The following PEAK1 variants were observed in gnomAD, a reference collection of about 807,000 sequenced individuals.
PEAK1 encodes inactive tyrosine-protein kinase PEAK1.
PEAK1 carries 54 observed loss-of-function variants against 124.7 expected under a neutral mutation model. The ratio of observed to expected loss-of-function variants is 0.43; its 90% CI spans 0.35 to 0.54. The LOEUF is 0.54. Among genes scored for constraint, PEAK1 ranks in the 20% least tolerant of loss-of-function variants. The pLI, the probability that PEAK1 is intolerant of heterozygous loss-of-function variation, is 0.01. For synonymous variants in PEAK1, 719 were observed against 760.0 expected (o/e 0.95, Z 0.89); for missense variants, 2,046 against 2,134.5 (o/e 0.96, Z 0.82).
intron 6 of PEAK1, among the ~76,000 whole-genome samples, chr15:77,245,903 C>T (rs545181594): frequency 2.8e-4 from 42 of 152,178 alleles, no homozygotes; most frequent in African/African-American, 9.6e-4. Context: ...TAGTGTGAGT[C>T]GTCCCACTTT....
intron 2 of PEAK1, among the ~76,000 whole-genome samples, chr15:77,336,774 A>T (rs2066227987): frequency 6.6e-6 from 1 of 152,190 alleles, no homozygotes; most frequent in South Asian, 2.1e-4. Flanking sequence ...AAATAAGACA[A>T]ATACACAGTA....
In PEAK1 at chr15:77,180,443, CTGT is replaced by C; in HGVS notation, c.1481_1483del (p.Asn494del). 3.1e-6 allele frequency: 5 copies of C among 1,614,086 alleles called. No individual in the cohort carries two copies. The highest frequency in any genetic ancestry group is 3.4e-6 in the Non-Finnish European group (4 of 1,180,020). On this transcript the variant is annotated inframe_deletion, in exon 7 of 10. Transcript: ENST00000682557. The stretch of plus-strand genomic sequence containing the variant: ...AGAGGATGAGCTTTTTGTCTTGGGG[CTGT>C]TAACAGGGCCCTCGAGGTGCTCACT...
chr15:77,315,335 T>C lies in PEAK1; in HGVS notation c.-602-28831A>G, dbSNP rs562127857. 2.6e-5 allele frequency among the ~76,000 whole-genome samples: 4 copies of C among 152,298 alleles called. No individual in the cohort carries two copies. The South Asian group carries it at 6.2e-4, about 24-fold the overall frequency. On this transcript the variant is annotated intron_variant, in intron 2 of 9. Coordinates refer to ENST00000682557, the MANE Select transcript of PEAK1 (RefSeq NM_001385026.1). ...ACTATGATCATCTTGATGTCTACGA[T>C]AGATAATAAACAAGGTCATACATAC...
chr15:77,147,856 T>C (rs1023346794), intron 8 of PEAK1, among the ~76,000 whole-genome samples: 25 of 152,218 alleles, frequency 1.6e-4, no homozygotes, highest in African/African-American at 6.0e-4. Context: ...AGCTGTTCAA[T>C]AGAACTTTGT....
intron 2 of PEAK1, among the ~76,000 whole-genome samples, chr15:77,330,576 TG>T (rs1344116086): frequency 1.3e-5 from 2 of 152,182 alleles, no homozygotes; most frequent in Non-Finnish European, 1.5e-5. Context: ...GGTTTAACTG[TG>T]CTGGTTAAGC....
At position 77,301,737 on chromosome 15, in the gene PEAK1, C is replaced by G. The variant is rs1324724923; in HGVS notation, c.-602-15233G>C. On this transcript the variant is annotated intron_variant, in intron 2 of 9. Coordinates refer to ENST00000682557, the MANE Select transcript of PEAK1 (RefSeq NM_001385026.1). ...GTAATGTTACCCTTTCTGTACTGCA[C>G]TCATTGAAGGAAAGTCACTATGAAC... 2.0e-5 allele frequency among the ~76,000 whole-genome samples: 3 copies of G among 152,110 alleles called. No individual in the cohort carries two copies. The East Asian group carries it at 5.8e-4, about 29-fold the overall frequency.
At chr15:77,135,188 A>G (rs562383847) in intron 8 of PEAK1, among the ~76,000 whole-genome samples, 1 of 152,362 alleles carries the variant, frequency 6.6e-6, no homozygotes, top group African/African-American at 2.4e-5. Context: ...ACTTTTTTAC[A>G]GCAGTCCTAG....
At position 77,348,398 on chromosome 15, in the gene PEAK1, T is replaced by C. The variant is rs140590032; in HGVS notation, c.-603+16765A>G. The C allele has an allele frequency of 1.9e-4, 174 of 906,670 alleles. No homozygotes were observed. The Middle Eastern group carries it at 4.6e-3, about 24-fold the overall frequency. The allele number at this position is 906,670 out of a possible 1,614,324, so 56.2% of individuals were successfully genotyped here. A position where few individuals can be genotyped will look rare whatever the true frequency, so the allele number is the denominator to read the frequency against. ...ATCTTATTATTTGGTAATTACACTA[T>C]AAGCAAGGGAAATGTCTTTAAAAAA... On this transcript the variant is annotated intron_variant, in intron 2 of 9. Coordinates refer to ENST00000682557, the MANE Select transcript of PEAK1 (RefSeq NM_001385026.1).
chr15:77,169,033 T>A (rs2056323676), intron 7 of PEAK1, among the ~76,000 whole-genome samples: 1 of 152,214 alleles, frequency 6.6e-6, no homozygotes, highest in African/African-American at 2.4e-5. Flanking sequence ...TACTTTTATT[T>A]TCTTAATGTC....
chr15:77,361,493 C>T (rs2067883522), intron 2 of PEAK1, among the ~76,000 whole-genome samples: 1 of 152,058 alleles, frequency 6.6e-6, no homozygotes, highest in African/African-American at 2.4e-5. Flanking sequence ...CATTGTTAAT[C>T]AAGGAGATGC....
intron 5 of PEAK1, chr15:77,278,535 G>C: frequency 2.0e-6 from 1 of 490,912 alleles, no homozygotes; most frequent in Non-Finnish European, 4.1e-6. Context: ...CCACAGAGAA[G>C]ATCTGCAAGG....
At chr15:77,102,080 TG>T (rs1231334607) in exon 7 of PEAK1, 1 of 152,212 alleles carries the variant, frequency 6.6e-6, no homozygotes, top group Non-Finnish European at 1.5e-5. Flanking sequence ...GGTGACCTAG[TG>T]GGTCAATTTT....
intron 6 of PEAK1, among the ~76,000 whole-genome samples, chr15:77,196,336 C>T (rs1230733378): frequency 2.0e-5 from 3 of 152,180 alleles, no homozygotes; most frequent in Non-Finnish European, 4.4e-5. Context: ...TGGTAGGTCT[C>T]GGAATCCTAC....
intron 2 of PEAK1, among the ~76,000 whole-genome samples, chr15:77,351,402 A>G (rs976160789): frequency 6.6e-6 from 1 of 152,200 alleles, no homozygotes; most frequent in African/African-American, 2.4e-5. Context: ...AGGCAGGAAA[A>G]TATGGTCTGG....
intron 1 of PEAK1, chr15:77,417,961 T>C: frequency 2.1e-6 from 2 of 971,794 alleles, no homozygotes; most frequent in Non-Finnish European, 2.4e-6. Flanking sequence ...ACCATAAATG[T>C]ACAAAGATAA....
intron 7 of PEAK1, among the ~76,000 whole-genome samples, chr15:77,161,937 GCCTGGGTGACAGAGTGAGACTCTGTCT>G (rs1020431578): frequency 1.1e-4 from 14 of 131,696 alleles, no homozygotes; most frequent in African/African-American, 4.0e-4. Context: ...CTGCACTCCA[GCCTGGGTGACAGAGTGAGACTCTGTCT>G]CAAAAAAAAA....
chr15:77,269,686 T>C (rs1290881731), intron 5 of PEAK1, among the ~76,000 whole-genome samples: 1 of 152,152 alleles, frequency 6.6e-6, no homozygotes, highest in African/African-American at 2.4e-5. Context: ...CTGCAGAATA[T>C]ACATTCTATT....
intron 9 of PEAK1, among the ~76,000 whole-genome samples, chr15:77,130,202 A>G (rs2052741618): frequency 6.6e-6 from 1 of 152,206 alleles, no homozygotes; most frequent in Non-Finnish European, 1.5e-5. Flanking sequence ...AACTGTTTTG[A>G]AAGAACAGAT....
At chr15:77,127,772 G>C (rs1227486508) in intron 9 of PEAK1, among the ~76,000 whole-genome samples, 8 of 152,124 alleles carry the variant, frequency 5.3e-5, no homozygotes, top group Admixed American at 5.2e-4. Context: ...AAAATTTGCA[G>C]TCTATCCATA....
Sources: gnomAD v4.1 joint callset for allele counts (sites outside exome capture counted in the v4.1 genomes callset) on GRCh38, gnomAD v4.1.1 for gene constraint, MANE v1.5 for transcripts, NCBI Gene and HGNC (gene_info 2026-07-23, HGNC 2026-07-21) for gene names.